Variants in DCBLD2 observed in about 807,000 individuals in gnomAD.
DCBLD2 encodes discoidin, CUB and LCCL domain-containing protein 2.
A neutral mutation model predicts 86.8 loss-of-function variants in DCBLD2; 54 were observed. The ratio of observed to expected loss-of-function variants is 0.62; its 90% CI spans 0.50 to 0.78. The LOEUF (loss-of-function observed/expected upper bound fraction) is 0.78. Ranked by LOEUF, DCBLD2 falls within the 30% of genes least tolerant of loss-of-function variation. DCBLD2 has a pLI of 0.00. For synonymous variants in DCBLD2, 354 were observed against 341.3 expected (o/e 1.04, Z -0.41); for missense variants, 908 against 954.2 (o/e 0.95, Z 0.64).
At chr3:98,844,165 T>G (rs1942676900) in intron 3 of DCBLD2, among the ~76,000 whole-genome samples, 1 of 152,032 alleles carries the variant, frequency 6.6e-6, no homozygotes, top group African/African-American at 2.4e-5. Flanking sequence ...TAACTACAAC[T>G]TAAAAAATTC....
chr3:98,842,399 T>C (rs1942637946), intron 3 of DCBLD2, among the ~76,000 whole-genome samples: 2 of 152,228 alleles, frequency 1.3e-5, no homozygotes, highest in Admixed American at 1.3e-4. Context: ...TATAGGAATC[T>C]GGCATTGATT....
At chr3:98,881,279 A>C (rs973081731) in intron 2 of DCBLD2, among the ~76,000 whole-genome samples, 5 of 145,516 alleles carry the variant, frequency 3.4e-5, no homozygotes, top group African/African-American at 5.0e-5. Flanking sequence ...AAAAAAAAAA[A>C]CAGAGAATTA....
intron 2 of DCBLD2, among the ~76,000 whole-genome samples, chr3:98,857,792 T>C (rs1250004219): frequency 1.3e-5 from 2 of 152,244 alleles, no homozygotes; most frequent in Non-Finnish European, 2.9e-5. Context: ...GGGTGCTGAT[T>C]GGTGTCTTTA....
rs1333572458 is a variant in DCBLD2, at chr3:98,838,881, C to A, written c.571+10580G>T. 2.6e-5 allele frequency among the ~76,000 whole-genome samples: 4 copies of A among 151,676 alleles called. No homozygotes were observed. In the South Asian group the frequency reaches 8.3e-4, roughly 32 times the overall value. On this transcript the variant is annotated intron_variant, in intron 3 of 15. Transcript: ENST00000326840. ...CCAACACAGCGAAACCCCGTCTCCA[C>A]CAAAACCAGTCAGGCGTGGCGGCGC...
At chr3:98,838,532 G>A (rs1434230397) in intron 3 of DCBLD2, among the ~76,000 whole-genome samples, 6 of 143,750 alleles carry the variant, frequency 4.2e-5, no homozygotes, top group African/African-American at 1.5e-4. Flanking sequence ...ATGGGATGGC[G>A]GCCGGGCGGA....
At position 98,867,964 on chromosome 3, in the gene DCBLD2, G is replaced by A. The variant is rs1224368062; in HGVS notation, c.433+13576C>T. ...ACTACAGGTGCCTGCCACCGCGCCC[G>A]GCTACTTTTTTTGTATTTTCAGTAG... On this transcript the variant is annotated intron_variant, in intron 2 of 15. Coordinates refer to ENST00000326840, the MANE Select transcript of DCBLD2 (RefSeq NM_080927.4). Among the ~76,000 whole-genome samples, 6 of 151,944 alleles carry A rather than the reference G, an allele frequency of 3.9e-5. 1 individual carries two copies. The highest frequency in any genetic ancestry group is 4.2e-4 in the South Asian group (2 of 4,814).
chr3:98,892,515 C>CA (rs1231886992), intron 1 of DCBLD2, among the ~76,000 whole-genome samples: 1 of 151,976 alleles, frequency 6.6e-6, no homozygotes, highest in Non-Finnish European at 1.5e-5. Context: ...GGACCTTGTA[C>CA]AATAGGGAAA....
intron 2 of DCBLD2, among the ~76,000 whole-genome samples, chr3:98,876,987 A>T (rs1170230625): frequency 6.6e-6 from 1 of 152,194 alleles, no homozygotes; most frequent in East Asian, 1.9e-4. Flanking sequence ...TTGTATAAAG[A>T]AGTACGGAAA....
intron 3 of DCBLD2, among the ~76,000 whole-genome samples, chr3:98,835,938 C>CT (rs66958811): frequency 0.013 from 1,482 of 115,048 alleles, 30 homozygotes; most frequent in African/African-American, 0.045. Context: ...TCCTTTCTTT[C>CT]TTTTTTTTTT....
chr3:98,867,380 GA>G (rs1445999455), intron 2 of DCBLD2, among the ~76,000 whole-genome samples: 2 of 152,064 alleles, frequency 1.3e-5, no homozygotes, highest in Admixed American at 6.6e-5. Flanking sequence ...TTATTTCATT[GA>G]GCAGTGGTTT....
intron 2 of DCBLD2, among the ~76,000 whole-genome samples, chr3:98,868,866 G>A (rs956283181): frequency 6.6e-6 from 1 of 152,044 alleles, no homozygotes; most frequent in African/African-American, 2.4e-5. Flanking sequence ...TCCACTCATT[G>A]GTTTGATGGA....
chr3:98,867,478 TA>T (rs990541948), intron 2 of DCBLD2, among the ~76,000 whole-genome samples: 4 of 152,180 alleles, frequency 2.6e-5, no homozygotes, highest in African/African-American at 4.8e-5. Flanking sequence ...TCATGTCACT[TA>T]AAAAATCATT....
At chr3:98,817,181 C>G (rs1264038344) in intron 9 of DCBLD2, among the ~76,000 whole-genome samples, 2 of 152,150 alleles carry the variant, frequency 1.3e-5, no homozygotes, top group African/African-American at 2.4e-5. Flanking sequence ...TGCTCCCCAC[C>G]CCTTATCATT....
intron 3 of DCBLD2, among the ~76,000 whole-genome samples, chr3:98,845,641 C>A (rs1038678093): frequency 1.3e-5 from 2 of 152,168 alleles, no homozygotes; most frequent in African/African-American, 4.8e-5. Flanking sequence ...CTTCTCTGTT[C>A]TTAACATCTT....
At chr3:98,838,466 GCTC>G (rs1942529478) in intron 3 of DCBLD2, among the ~76,000 whole-genome samples, 1 of 137,082 alleles carries the variant, frequency 7.3e-6, no homozygotes, top group East Asian at 2.2e-4. Context: ...GGGCAGAGAC[GCTC>G]CTCACTTCCT....
intron 3 of DCBLD2, among the ~76,000 whole-genome samples, chr3:98,847,314 G>T (rs1301115022): frequency 6.6e-6 from 1 of 152,210 alleles, no homozygotes; most frequent in South Asian, 2.1e-4. Flanking sequence ...CAGCTAGCAC[G>T]TGGCAGAGGC....
At chr3:98,813,665 C>T (rs1941978270) in intron 9 of DCBLD2, 1 of 152,092 alleles carries the variant, frequency 6.6e-6, no homozygotes, top group Admixed American at 6.6e-5. Flanking sequence ...CACGCCTGGC[C>T]TGTGACTAAT....
chr3:98,883,624 TC>T (rs1344567201), intron 1 of DCBLD2, among the ~76,000 whole-genome samples: 1 of 152,194 alleles, frequency 6.6e-6, no homozygotes, highest in Non-Finnish European at 1.5e-5. Context: ...CAGCAGCTGC[TC>T]CAACTGTACT....
chr3:98,799,264 C>T lies in DCBLD2; in HGVS notation c.*108G>A. 1.6e-6 allele frequency: 2 copies of T among 1,225,514 alleles called. No homozygotes were observed. The highest frequency in any genetic ancestry group is 3.1e-5 in the South Asian group (2 of 64,330). The allele number at this position is 1,225,514 out of a possible 1,614,324, so 75.9% of individuals were successfully genotyped here. A position where few individuals can be genotyped will look rare whatever the true frequency, so the allele number is the denominator to read the frequency against. On this transcript the variant is annotated 3_prime_UTR_variant, in exon 16 of 16. Coordinates refer to ENST00000326840, the MANE Select transcript of DCBLD2 (RefSeq NM_080927.4). ...CCTCAGTCACCACATTTTCCCCAAC[C>T]ACTTCAGTGACAGTTATGTAATACA...
Sources: allele counts gnomAD v4.1 joint callset (sites outside exome capture counted in the v4.1 genomes callset), GRCh38; gene constraint gnomAD v4.1.1; transcripts MANE v1.5; gene names NCBI Gene and HGNC (gene_info 2026-07-23, HGNC 2026-07-21).